The following KLF8 variants were observed in gnomAD, a reference collection of about 807,000 sequenced individuals.
The protein encoded by KLF8 is Krueppel-like factor 8.
In KLF8, 10 loss-of-function variants were observed where a neutral mutation model predicts 18.2. The observed-to-expected ratio is 0.55, with a 90% CI of 0.34 to 0.93. The LOEUF (loss-of-function observed/expected upper bound fraction) is 0.93. Among genes scored for constraint, KLF8 ranks in the 40% least tolerant of loss-of-function variants. The probability of loss-of-function intolerance (pLI) is 0.02; values close to 1 mark genes in which losing one functional copy is unlikely to be tolerated. For synonymous variants in KLF8, 109 were observed against 97.3 expected (o/e 1.12, Z -0.71); for missense variants, 264 against 277.9 (o/e 0.95, Z 0.36).
At chrX:56,197,145 A>G in the KLF8 span, among the ~76,000 whole-genome samples, 2 of 111,791 alleles carry the variant, frequency 1.8e-5, no homozygotes, top group African/African-American at 6.5e-5. Flanking sequence ...GAAAGCAGGA[A>G]AGATCTAAAT....
the KLF8 span, among the ~76,000 whole-genome samples, chrX:56,098,027 A>T: frequency 9.0e-6 from 1 of 111,213 alleles, no homozygotes; most frequent in Non-Finnish European, 1.9e-5. Context: ...GCATATAACT[A>T]CATAGATTAA....
At chrX:56,123,301 G>A in the KLF8 span, among the ~76,000 whole-genome samples, 95 of 56,686 alleles carry the variant, frequency 1.7e-3, 1 homozygote, top group African/African-American at 7.2e-3. Context: ...GAAAGAAAGA[G>A]AAAGAAAGAA....
At chrX:56,193,292 T>C in the KLF8 span, among the ~76,000 whole-genome samples, 1 of 112,126 alleles carries the variant, frequency 8.9e-6, no homozygotes, top group African/African-American at 3.2e-5. Flanking sequence ...CCAGTTAAAA[T>C]GGCTTTTATC....
chrX:56,187,958 G>T, the KLF8 span, among the ~76,000 whole-genome samples: 11 of 111,552 alleles, frequency 9.9e-5, no homozygotes, highest in Admixed American at 2.9e-4. Context: ...CTTTGAAAAC[G>T]GGCACAAGAC....
At chrX:56,180,608 A>T in the KLF8 span, among the ~76,000 whole-genome samples, 1 of 108,660 alleles carries the variant, frequency 9.2e-6, no homozygotes, top group South Asian at 4.1e-4. Context: ...TAGTGCTATA[A>T]ATTTACCTCT....
chrX:55,940,000 G>A, the KLF8 span, among the ~76,000 whole-genome samples: 1 of 111,959 alleles, frequency 8.9e-6, no homozygotes. Flanking sequence ...AATAGAAAAA[G>A]AGGGAATCCT....
At chrX:56,142,880 A>G in the KLF8 span, among the ~76,000 whole-genome samples, 3 of 111,946 alleles carry the variant, frequency 2.7e-5, no homozygotes, top group Admixed American at 2.9e-4. Context: ...CTCTAACATT[A>G]CTACTGTGAT....
chrX:55,987,263 A>G, the KLF8 span, among the ~76,000 whole-genome samples: 1 of 108,523 alleles, frequency 9.2e-6, no homozygotes, highest in Non-Finnish European at 1.9e-5. Context: ...GCTTTGTTAC[A>G]TATGTATACA....
At chrX:56,172,599 A>G in the KLF8 span, among the ~76,000 whole-genome samples, 1 of 112,007 alleles carries the variant, frequency 8.9e-6, no homozygotes, top group African/African-American at 3.2e-5. Context: ...AGCATGATTT[A>G]TAAGCCTTTC....
chrX:56,210,850 A>G, the KLF8 span, among the ~76,000 whole-genome samples: 3 of 108,966 alleles, frequency 2.8e-5, no homozygotes, highest in Admixed American at 2.0e-4. Flanking sequence ...CAGCATGCCA[A>G]TTGCATTTTT....
chrX:56,106,978 C>A, the KLF8 span, among the ~76,000 whole-genome samples: 1 of 112,169 alleles, frequency 8.9e-6, no homozygotes, highest in Non-Finnish European at 1.9e-5. Context: ...GGTCCCTCAG[C>A]TGCAGGTCTG....
the KLF8 span, among the ~76,000 whole-genome samples, chrX:55,927,415 A>C: frequency 1.8e-5 from 2 of 112,172 alleles, no homozygotes; most frequent in African/African-American, 6.5e-5. Flanking sequence ...TCTAGGGCAG[A>C]AATCTAGAAG....
the KLF8 span, among the ~76,000 whole-genome samples, chrX:56,185,484 G>A: frequency 9.0e-6 from 1 of 111,593 alleles, no homozygotes; most frequent in Non-Finnish European, 1.9e-5. Flanking sequence ...CCCCAATCTA[G>A]CAAGGCAGGC....
At chrX:56,119,992 CTA>C in the KLF8 span, among the ~76,000 whole-genome samples, 5 of 105,558 alleles carry the variant, frequency 4.7e-5, no homozygotes, top group Non-Finnish European at 7.8e-5. Context: ...TTTAGAAAGG[CTA>C]TATATATATA....
chrX:55,987,380 G>T, the KLF8 span, among the ~76,000 whole-genome samples: 1 of 109,605 alleles, frequency 9.1e-6, no homozygotes, highest in Admixed American at 9.7e-5. Flanking sequence ...GCCCCGGGGT[G>T]TGATGTTCCC....
chrX:56,012,929 G>A, the KLF8 span, among the ~76,000 whole-genome samples: 1 of 111,815 alleles, frequency 8.9e-6, no homozygotes, highest in Non-Finnish European at 1.9e-5. Context: ...AAAGAACAAA[G>A]CTGGAGGCAT....
At chrX:56,078,874 A>G in the KLF8 span, among the ~76,000 whole-genome samples, 13,529 of 106,814 alleles carry the variant, frequency 0.13, 1,587 homozygotes, top group African/African-American at 0.36. Flanking sequence ...GTCTTGGGAG[A>G]GTGTATGTGT....
chrX:56,079,692 A>T, the KLF8 span, among the ~76,000 whole-genome samples: 2 of 110,818 alleles, frequency 1.8e-5, no homozygotes, highest in African/African-American at 6.6e-5. Flanking sequence ...ATTCCTGGGT[A>T]TGGGTATCCT....
the KLF8 span, among the ~76,000 whole-genome samples, chrX:56,155,356 G>A: frequency 9.0e-6 from 1 of 110,917 alleles, no homozygotes; most frequent in East Asian, 2.8e-4. Context: ...ATCGCAAGGA[G>A]AAAAAACCAA....
Sources: allele counts gnomAD v4.1 joint callset (sites outside exome capture counted in the v4.1 genomes callset), GRCh38; gene constraint gnomAD v4.1.1; transcripts MANE v1.5; gene names NCBI Gene and HGNC (gene_info 2026-07-23, HGNC 2026-07-21).